The following MARCHF1 variants were observed in gnomAD, a reference collection of about 807,000 sequenced individuals.
MARCHF1 encodes the protein E3 ubiquitin-protein ligase MARCHF1.
In MARCHF1, 40 loss-of-function variants were observed where a neutral mutation model predicts 54.2. The ratio of observed to expected loss-of-function variants is 0.74; its 90% confidence interval spans 0.57 to 0.96. The LOEUF (loss-of-function observed/expected upper bound fraction) is 0.96, where lower values mean the gene tolerates loss of function less well. Among genes scored for constraint, MARCHF1 ranks in the 40% least tolerant of loss-of-function variants. The probability of loss-of-function intolerance (pLI) is 0.00; values close to 1 mark genes in which losing one functional copy is unlikely to be tolerated. For missense variants in MARCHF1, 586 were observed against 656.5 expected (o/e 0.89, Z 1.17); for synonymous variants, 236 against 236.3 (o/e 1.00, Z 0.01).
intron 5 of MARCHF1, among the ~76,000 whole-genome samples, chr4:163,680,864 G>A (rs1273384559): frequency 6.6e-6 from 1 of 151,764 alleles, no homozygotes; most frequent in Non-Finnish European, 1.5e-5. Flanking sequence ...ATTTATTATT[G>A]CTTGAATGAC....
At chr4:163,676,199 A>C (rs181701018) in intron 5 of MARCHF1, among the ~76,000 whole-genome samples, 16 of 149,004 alleles carry the variant, frequency 1.1e-4, no homozygotes, top group South Asian at 6.3e-4. Flanking sequence ...AAAAAAAAAA[A>C]AAAAAAAATT....
chr4:164,314,081 G>A (rs887660543), intron 1 of MARCHF1, among the ~76,000 whole-genome samples: 2 of 152,162 alleles, frequency 1.3e-5, no homozygotes, highest in African/African-American at 2.4e-5. Flanking sequence ...AATTCCTTCA[G>A]CTTTTGCAGA....
intron 4 of MARCHF1, among the ~76,000 whole-genome samples, chr4:163,719,546 A>G (rs113193777): frequency 1.2e-3 from 190 of 152,286 alleles, no homozygotes; most frequent in African/African-American, 4.3e-3. Flanking sequence ...GTATATACGC[A>G]GTAATGGGAT....
At chr4:164,358,925 T>C (rs1004131133) in intron 1 of MARCHF1, among the ~76,000 whole-genome samples, 5 of 152,174 alleles carry the variant, frequency 3.3e-5, no homozygotes, top group African/African-American at 1.2e-4. Flanking sequence ...TTTTTTCATG[T>C]ATTTTTATAG....
At chr4:164,043,038 C>A (rs751798879) in intron 2 of MARCHF1, among the ~76,000 whole-genome samples, 1 of 152,218 alleles carries the variant, frequency 6.6e-6, no homozygotes, top group African/African-American at 2.4e-5. Context: ...GCCCCTGTGG[C>A]TGCTTTCATG....
At chr4:164,170,743 C>T (rs1264879270) in intron 1 of MARCHF1, among the ~76,000 whole-genome samples, 1 of 151,978 alleles carries the variant, frequency 6.6e-6, no homozygotes, top group Non-Finnish European at 1.5e-5. Flanking sequence ...AATTATACTT[C>T]AAATAAATTT....
chr4:164,120,882 GA>G (rs1425701798), intron 1 of MARCHF1, among the ~76,000 whole-genome samples: 11 of 151,602 alleles, frequency 7.3e-5, no homozygotes, highest in Non-Finnish European at 1.5e-4. Flanking sequence ...TCAAAAAAGA[GA>G]AAAAAACTTT....
chr4:164,260,038 CG>C (rs1184099941), intron 1 of MARCHF1, among the ~76,000 whole-genome samples: 1 of 151,918 alleles, frequency 6.6e-6, no homozygotes, highest in African/African-American at 2.4e-5. Flanking sequence ...AACATATAAC[CG>C]GGGTGAGAAT....
chr4:164,383,958 G>C lies in MARCHF1; in HGVS notation c.-411C>G, dbSNP rs953082954. 1 of 152,230 alleles carries C rather than the reference G, an allele frequency of 6.6e-6. No individual in the cohort carries two copies. The highest frequency in any genetic ancestry group is 2.4e-5 in the African/African-American group (1 of 41,452). The allele number at this position is 152,230 out of a possible 1,614,324, so 9.4% of individuals were successfully genotyped here. A position where few individuals can be genotyped will look rare whatever the true frequency, so the allele number is the denominator to read the frequency against. On this transcript the variant is annotated 5_prime_UTR_variant, in exon 1 of 10. Transcript: ENST00000514618. Reference sequence around the variant, plus strand: ...GGCATTCTCCCATCCTTTGTCAGTTGCGGGTGGAGCGCTCCTCCCCAGCTA... The same window carrying C: ...GGCATTCTCCCATCCTTTGTCAGTTCCGGGTGGAGCGCTCCTCCCCAGCTA...
At chr4:164,130,025 G>A (rs1386897182) in intron 1 of MARCHF1, 1 of 152,010 alleles carries the variant, frequency 6.6e-6, no homozygotes, top group Non-Finnish European at 1.5e-5. Flanking sequence ...TTTTCATCAA[G>A]AATATCTGTA....
At chr4:163,940,932 A>C (rs1276158436) in intron 3 of MARCHF1, among the ~76,000 whole-genome samples, 1 of 152,084 alleles carries the variant, frequency 6.6e-6, no homozygotes, top group Non-Finnish European at 1.5e-5. Flanking sequence ...TGTTTTCATA[A>C]TGTTTGTTAT....
Position 163,728,486 on chromosome 4 carries a change from T to C in MARCHF1, c.112-27623A>G, listed in dbSNP as rs183095621. On this transcript the variant is annotated intron_variant, in intron 4 of 9. Coordinates refer to ENST00000514618, the MANE Select transcript of MARCHF1 (RefSeq NM_001394959.1). ...TGATTTCTTTTCGTAGTTTTGGGGT[T>C]CTTTTTTCACATTGATCTTCCCCCC... is the stretch of plus-strand genomic sequence containing the variant. Among the ~76,000 whole-genome samples the C allele has an allele frequency of 1.9e-3, 283 of 152,316 alleles. 3 individuals are homozygous for C. The highest frequency in any genetic ancestry group is 6.5e-3 in the African/African-American group (272 of 41,590).
intron 2 of MARCHF1, among the ~76,000 whole-genome samples, chr4:164,019,795 C>T (rs1350933446): frequency 6.6e-6 from 1 of 152,136 alleles, no homozygotes; most frequent in South Asian, 2.1e-4. Context: ...TTAAAACAAT[C>T]CCTTATTTGG....
intron 2 of MARCHF1, among the ~76,000 whole-genome samples, chr4:164,019,533 G>A (rs1753616102): frequency 6.6e-6 from 1 of 152,168 alleles, no homozygotes; most frequent in Non-Finnish European, 1.5e-5. Context: ...CTGTGACAAA[G>A]TAGCATCACA....
At chr4:163,874,784 T>C (rs570522670) in intron 3 of MARCHF1, among the ~76,000 whole-genome samples, 1 of 152,174 alleles carries the variant, frequency 6.6e-6, no homozygotes, top group Non-Finnish European at 1.5e-5. Context: ...TAAAAGTTTA[T>C]GAAAAATGAT....
intron 8 of MARCHF1, among the ~76,000 whole-genome samples, chr4:163,581,456 G>C (rs1473382689): frequency 6.6e-6 from 1 of 152,130 alleles, no homozygotes; most frequent in East Asian, 1.9e-4. Flanking sequence ...AAAGGGTGCA[G>C]GAAGATTCTA....
intron 2 of MARCHF1, among the ~76,000 whole-genome samples, chr4:164,079,390 T>G (rs1044444963): frequency 5.3e-5 from 8 of 152,248 alleles, no homozygotes; most frequent in Admixed American, 3.9e-4. Flanking sequence ...GTAAGTTTCT[T>G]TAACAAAAAG....
chr4:164,169,149 TA>T (rs1730460701), intron 1 of MARCHF1, among the ~76,000 whole-genome samples: 1 of 152,126 alleles, frequency 6.6e-6, no homozygotes, highest in African/African-American at 2.4e-5. Flanking sequence ...TGCTTCATAA[TA>T]ACCATTTTAC....
chr4:164,116,275 C>CT (rs1755937775), intron 1 of MARCHF1, among the ~76,000 whole-genome samples: 1 of 152,094 alleles, frequency 6.6e-6, no homozygotes, highest in South Asian at 2.1e-4. Context: ...AAAATATCTG[C>CT]TTTTAAATTT....
Sources: allele counts gnomAD v4.1 joint callset (sites outside exome capture counted in the v4.1 genomes callset), GRCh38; gene constraint gnomAD v4.1.1; transcripts MANE v1.5; gene names NCBI Gene and HGNC (gene_info 2026-07-23, HGNC 2026-07-21).